Variants in SOS1 observed in about 807,000 individuals in gnomAD.
SOS1 encodes SOS Ras/Rac guanine nucleotide exchange factor 1, also known as son of sevenless homolog 1.
SOS1 carries 25 observed loss-of-function variants against 157.6 expected under a neutral mutation model. The observed-to-expected ratio is 0.16, with a 90% confidence interval of 0.12 to 0.22. SOS1 has a LOEUF of 0.22. Ranked by LOEUF, SOS1 falls within the 10% of genes least tolerant of loss-of-function variation. SOS1 has a pLI of 1.00. For synonymous variants in SOS1, 528 were observed against 534.0 expected (o/e 0.99, Z 0.16); for missense variants, 1,237 against 1,599.1 (o/e 0.77, Z 3.86).
intron 4 of SOS1, among the ~76,000 whole-genome samples, chr2:39,055,669 T>C (rs1051951242): frequency 6.6e-5 from 10 of 152,156 alleles, no homozygotes; most frequent in Admixed American, 5.2e-4. Flanking sequence ...CAATCAGAAA[T>C]AATATTCCAA....
At chr2:39,081,201 A>C (rs1420647635) in intron 1 of SOS1, among the ~76,000 whole-genome samples, 1 of 152,052 alleles carries the variant, frequency 6.6e-6, no homozygotes, top group Non-Finnish European at 1.5e-5. Context: ...CTGTAATGCA[A>C]GATAGTGTTT....
At position 38,997,113 on chromosome 2, in the gene SOS1, A is replaced by G. The variant is rs971623579; in HGVS notation, c.2965-75T>C. 3.1e-5 allele frequency: 33 copies of G among 1,073,294 alleles called. No homozygotes were observed. In the African/African-American group the frequency reaches 5.3e-4, roughly 17 times the overall value. 66.5% of individuals were successfully genotyped at this position (1,073,294 alleles called of 1,614,324 possible). On this transcript the variant is annotated intron_variant, in intron 18 of 22. Transcript: ENST00000402219. ...AGTTTGAAATTCATGGAAAGTTAAG[A>G]AAACATTTAATACAAGTAAATTTGA...
At chr2:39,076,625 A>C (rs1485855570) in intron 1 of SOS1, among the ~76,000 whole-genome samples, 1 of 152,222 alleles carries the variant, frequency 6.6e-6, no homozygotes, top group Non-Finnish European at 1.5e-5. Flanking sequence ...GGGCCTAGAA[A>C]TAGAAGAACA....
intron 17 of SOS1, among the ~76,000 whole-genome samples, chr2:38,999,597 CTTT>C (rs986094676): frequency 6.6e-6 from 1 of 152,156 alleles, no homozygotes; most frequent in African/African-American, 2.4e-5. Context: ...TAAGCACAGG[CTTT>C]TTTATTTTCA....
intron 19 of SOS1, 115 bp from the exon 20 acceptor site, chr2:38,995,502 T>C (rs1251067410): frequency 1.3e-6 from 1 of 782,600 alleles, no homozygotes; most frequent in East Asian, 2.5e-5. Context: ...AAATCACTAA[T>C]AAGGACATAA....
intron 15 of SOS1, among the ~76,000 whole-genome samples, chr2:39,008,178 G>A (rs575131280): frequency 1.1e-3 from 174 of 152,286 alleles, no homozygotes; most frequent in African/African-American, 3.9e-3. Flanking sequence ...TTCCACTTAT[G>A]GAATGGAGAC....
chr2:39,050,389 AAAT>A (rs1265534977), intron 6 of SOS1, among the ~76,000 whole-genome samples: 1 of 152,174 alleles, frequency 6.6e-6, no homozygotes, highest in African/African-American at 2.4e-5. Flanking sequence ...TTCCTATTCT[AAAT>A]AATAATGCAC....
intron 17 of SOS1, 108 bp from the exon 18 acceptor site, chr2:38,997,533 C>T: frequency 1.5e-6 from 1 of 646,498 alleles, no homozygotes; most frequent in Admixed American, 2.7e-5. Context: ...GTTGCCAAAA[C>T]AAAAGAACCA....
intron 17 of SOS1, among the ~76,000 whole-genome samples, chr2:39,004,854 A>G (rs1337100616): frequency 6.6e-6 from 1 of 152,224 alleles, no homozygotes; most frequent in Non-Finnish European, 1.5e-5. Context: ...TAGTTGTAAT[A>G]ATAGAAATGA....
intron 1 of SOS1, 141 bp downstream of exon 1, chr2:39,120,195 T>C (rs1323017795): frequency 4.4e-6 from 3 of 686,302 alleles, no homozygotes; most frequent in Admixed American, 3.8e-5. Flanking sequence ...GAGGGGGGCC[T>C]CTCCGTGTGC....
intron 12 of SOS1, 129 bp from the exon 13 acceptor site, chr2:39,013,692 C>A: frequency 2.2e-6 from 2 of 902,534 alleles, no homozygotes; most frequent in Non-Finnish European, 3.7e-6. Context: ...CTTAACACTT[C>A]CAAAATTCTA....
At position 38,987,467 on chromosome 2, in the gene SOS1, C is replaced by G. The variant is rs1192305737; in HGVS notation, c.3510+6G>C. 2 of 1,438,590 alleles carry G rather than the reference C, an allele frequency of 1.4e-6. No homozygotes were observed. The highest frequency in any genetic ancestry group is 2.3e-5 in the South Asian group (2 of 85,806). The allele number at this position is 1,438,590 out of a possible 1,614,324, so 89.1% of individuals were successfully genotyped here. On this transcript the variant is annotated splice_donor_region_variant and intron_variant, in intron 22 of 22. Coordinates refer to ENST00000402219, the MANE Select transcript of SOS1 (RefSeq NM_005633.4). ...AATTTCTACACAACAAGATTTCTTACTTTACCTTAGATGGTGAAGATTCTG... is the reference window on the plus strand; with the variant it reads ...AATTTCTACACAACAAGATTTCTTAGTTTACCTTAGATGGTGAAGATTCTG...
At chr2:39,014,115 C>CA in intron 11 of SOS1, 126 bp from the exon 12 acceptor site, 1 of 672,884 alleles carries the variant, frequency 1.5e-6, no homozygotes, top group Non-Finnish European at 2.6e-6. Context: ...TGAAGATATG[C>CA]ATATCAGTGT....
At chr2:39,002,064 C>G (rs902550512) in intron 17 of SOS1, among the ~76,000 whole-genome samples, 3 of 152,222 alleles carry the variant, frequency 2.0e-5, no homozygotes, top group Non-Finnish European at 4.4e-5. Flanking sequence ...CGCCTGTAAT[C>G]CCAGCACTTT....
intron 8 of SOS1, among the ~76,000 whole-genome samples, chr2:39,030,375 G>C (rs1277195211): frequency 6.6e-6 from 1 of 151,966 alleles, no homozygotes; most frequent in African/African-American, 2.4e-5. Flanking sequence ...ATCAGCCTGG[G>C]CAACAAAATG....
chr2:39,105,999 C>T (rs1441977812), intron 1 of SOS1, among the ~76,000 whole-genome samples: 2 of 151,928 alleles, frequency 1.3e-5, no homozygotes, highest in Non-Finnish European at 2.9e-5. Flanking sequence ...GGTGAATCTC[C>T]TGAGCTCAAG....
At chr2:39,032,959 T>A (rs1457445503) in intron 8 of SOS1, among the ~76,000 whole-genome samples, 1 of 151,752 alleles carries the variant, frequency 6.6e-6, no homozygotes, top group African/African-American at 2.4e-5. Flanking sequence ...AGAAGAGGAA[T>A]TCCAGATAAA....
intron 1 of SOS1, among the ~76,000 whole-genome samples, chr2:39,077,730 G>C (rs1259208581): frequency 6.6e-6 from 1 of 152,148 alleles, no homozygotes; most frequent in Non-Finnish European, 1.5e-5. Context: ...ATGAGGAAAG[G>C]ATGGATCATC....
chr2:39,097,525 A>T (rs933868734), intron 1 of SOS1, among the ~76,000 whole-genome samples: 2 of 151,714 alleles, frequency 1.3e-5, no homozygotes, highest in African/African-American at 4.8e-5. Context: ...AAGTTTGGCA[A>T]CCACTGATCT....
Sources: allele counts gnomAD v4.1 joint callset (sites outside exome capture counted in the v4.1 genomes callset), GRCh38; gene constraint gnomAD v4.1.1; transcripts MANE v1.5; gene names NCBI Gene and HGNC (gene_info 2026-07-23, HGNC 2026-07-21).